LOC400499: variants seen among roughly 807,000 people sequenced by gnomAD.
At chr16:11,414,211 T>G in the LOC400499 span, 1 of 398,024 alleles carries the variant, frequency 2.5e-6, no homozygotes, top group Non-Finnish European at 4.4e-6. Context: ...CCTTTGTAAA[T>G]TGTCAAGTAC....
the LOC400499 span, among the ~76,000 whole-genome samples, chr16:11,498,737 A>T: frequency 6.6e-6 from 1 of 151,736 alleles, no homozygotes; most frequent in African/African-American, 2.4e-5. Flanking sequence ...ATCACATGTG[A>T]GGCAGGTAGA....
At chr16:11,462,183 C>G in the LOC400499 span, 1 of 1,534,620 alleles carries the variant, frequency 6.5e-7, no homozygotes, top group South Asian at 1.2e-5. Context: ...TTGCTGCCCA[C>G]CTGCCGTGTG....
the LOC400499 span, chr16:11,393,258 T>C: frequency 3.3e-6 from 2 of 602,158 alleles, no homozygotes; most frequent in Non-Finnish European, 2.3e-6. Flanking sequence ...CCTCCCAAAG[T>C]GCTAGGATTA....
the LOC400499 span, chr16:11,384,834 C>T: frequency 2.6e-4 from 315 of 1,226,144 alleles, no homozygotes; most frequent in African/African-American, 3.0e-4. Flanking sequence ...TAAAGGGGTG[C>T]ATCCCAAAGA....
At chr16:11,469,477 C>T in the LOC400499 span, 3 of 398,970 alleles carry the variant, frequency 7.5e-6, no homozygotes, top group African/African-American at 4.1e-5. Flanking sequence ...GAGTGAGGGG[C>T]GCAGTGAGCA....
the LOC400499 span, chr16:11,390,534 C>T: frequency 1.3e-5 from 15 of 1,184,220 alleles, no homozygotes; most frequent in African/African-American, 1.6e-5. Context: ...CCCAGACACG[C>T]CAGGCCTCGA....
chr16:11,456,368 G>C, the LOC400499 span, among the ~76,000 whole-genome samples: 1 of 151,592 alleles, frequency 6.6e-6, no homozygotes, highest in East Asian at 2.0e-4. Context: ...TTTTTTAAAA[G>C]TGACAGACAG....
chr16:11,475,840 G>C, the LOC400499 span: 3 of 389,446 alleles, frequency 7.7e-6, no homozygotes, highest in African/African-American at 2.1e-5. Context: ...CAGCCTTTGG[G>C]CAGTGCACAC....
At chr16:11,433,248 C>A in the LOC400499 span, among the ~76,000 whole-genome samples, 1 of 152,126 alleles carries the variant, frequency 6.6e-6, no homozygotes, top group South Asian at 2.1e-4. Flanking sequence ...AATAATTTGC[C>A]TCGAATCCTT....
the LOC400499 span, among the ~76,000 whole-genome samples, chr16:11,466,687 C>G: frequency 1.3e-5 from 2 of 152,128 alleles, no homozygotes; most frequent in Non-Finnish European, 2.9e-5. Context: ...CCGCACCTGG[C>G]CTCACTGAGA....
chr16:11,486,514 T>A, the LOC400499 span, among the ~76,000 whole-genome samples: 2 of 126,704 alleles, frequency 1.6e-5, no homozygotes, highest in African/African-American at 6.3e-5. Context: ...GATGAATGAA[T>A]GATGGCTGGA....
At chr16:11,519,899 T>C in the LOC400499 span, among the ~76,000 whole-genome samples, 1 of 152,076 alleles carries the variant, frequency 6.6e-6, no homozygotes, top group East Asian at 1.9e-4. Context: ...GACAGGGTTT[T>C]TCCATGTTGG....
the LOC400499 span, chr16:11,491,882 T>G: frequency 7.5e-6 from 3 of 398,504 alleles, no homozygotes; most frequent in Non-Finnish European, 1.3e-5. Context: ...ACCCAAGGCC[T>G]ACCTACCTCC....
chr16:11,418,567 G>A, the LOC400499 span, among the ~76,000 whole-genome samples: 4 of 152,116 alleles, frequency 2.6e-5, no homozygotes, highest in East Asian at 7.7e-4. Context: ...TCCACCCCTT[G>A]TTTAGCATAT....
chr16:11,475,248 G>A, the LOC400499 span, among the ~76,000 whole-genome samples: 1 of 152,116 alleles, frequency 6.6e-6, no homozygotes, highest in African/African-American at 2.4e-5. Flanking sequence ...GTTGATGGGT[G>A]CAGCAAACCA....
chr16:11,506,355 A>G, the LOC400499 span, among the ~76,000 whole-genome samples: 1 of 152,222 alleles, frequency 6.6e-6, no homozygotes, highest in Admixed American at 6.5e-5. Flanking sequence ...GCAGTGTTTA[A>G]CAACCAGCCT....
the LOC400499 span, chr16:11,456,708 G>A: frequency 1.3e-4 from 120 of 946,576 alleles, no homozygotes; most frequent in South Asian, 1.3e-3. Context: ...GATTACAGGC[G>A]TGAGCCACTG....
chr16:11,471,663 C>T, the LOC400499 span: 1 of 399,134 alleles, frequency 2.5e-6, no homozygotes, highest in South Asian at 1.3e-4. Flanking sequence ...CCTGGGGCTG[C>T]AGGGTATAGG....
At chr16:11,459,432 G>A in the LOC400499 span, among the ~76,000 whole-genome samples, 4 of 151,922 alleles carry the variant, frequency 2.6e-5, no homozygotes, top group African/African-American at 9.7e-5. Flanking sequence ...TCCTGATCTC[G>A]TGATCCGCCC....
Sources: gnomAD v4.1 joint callset for allele counts (sites outside exome capture counted in the v4.1 genomes callset) on GRCh38, gnomAD v4.1.1 for gene constraint, MANE v1.5 for transcripts.